The following MEGF8 variants were observed in gnomAD, a reference collection of about 807,000 sequenced individuals.
MEGF8 encodes the protein multiple EGF like domains 8, also known as multiple epidermal growth factor-like domains protein 8.
Under a neutral mutation model 302.9 loss-of-function variants are expected in MEGF8, and 156 were observed. The ratio of observed to expected loss-of-function variants is 0.52; its 90% CI spans 0.45 to 0.59. The LOEUF is 0.59. Ranked by LOEUF, MEGF8 falls within the 20% of genes least tolerant of loss-of-function variation. The probability of loss-of-function intolerance (pLI) is 0.00; values close to 1 mark genes in which losing one functional copy is unlikely to be tolerated. For missense variants in MEGF8, 3,345 were observed against 3,964.5 expected (o/e 0.84, Z 4.20); for synonymous variants, 1,621 against 1,660.5 (o/e 0.98, Z 0.58).
chr19:42,350,079 T>G (rs2039346380), intron 14 of MEGF8, 69 bp from the exon 15 acceptor site: 2 of 1,300,806 alleles, frequency 1.5e-6, no homozygotes, highest in African/African-American at 1.5e-5. Flanking sequence ...ACCCTTACTT[T>G]CAGTTAGCGC....
At chr19:42,350,045 C>A in intron 14 of MEGF8, 103 bp from the exon 15 acceptor site, 1 of 911,588 alleles carries the variant, frequency 1.1e-6, no homozygotes, top group Non-Finnish European at 1.7e-6. Flanking sequence ...TCCTATGTGC[C>A]TGAGTTCTCA....
chr19:42,361,039 G>C (rs1310465045), intron 32 of MEGF8, 33 bp downstream of exon 32: 2 of 1,522,730 alleles, frequency 1.3e-6, no homozygotes, highest in Non-Finnish European at 8.8e-7. Flanking sequence ...GCAGTGGGGA[G>C]TGGAGCCCTC....
chr19:42,338,980 C>T (rs1312419937), intron 8 of MEGF8, among the ~76,000 whole-genome samples: 2 of 151,174 alleles, frequency 1.3e-5, no homozygotes, highest in East Asian at 1.9e-4. Flanking sequence ...ATTACAGGCG[C>T]CTACCACCAC....
At position 42,360,854 on chromosome 19, in the gene MEGF8, T is replaced by G; in HGVS notation, c.5568T>G (p.Ser1856=). The G allele has an allele frequency of 1.2e-6, 2 of 1,613,322 alleles. No individual in the cohort carries two copies. The highest frequency in any genetic ancestry group is 1.7e-6 in the Non-Finnish European group (2 of 1,179,792). ...VAAVGSRLYI[S]GGFGGVALGR... ...CAGTCGGGAGCCGCCTGTATATCTC[T>G]GGGGGTTTCGGGGGAGTGGCCCTGG... The change falls in exon 32 of 42, where the codon TCT becomes TCG. Residue 1856 remains serine, a synonymous_variant. Transcript: ENST00000251268.
intron 15 of MEGF8, among the ~76,000 whole-genome samples, chr19:42,350,608 T>C (rs2147474370): frequency 6.6e-6 from 1 of 152,216 alleles, no homozygotes; most frequent in African/African-American, 2.4e-5. Flanking sequence ...TCCATCCTTT[T>C]CCACTAGCGG....
Position 42,369,524 on chromosome 19 carries a change from C to A in MEGF8, c.6642-7C>A, listed in dbSNP as rs1239232340. 1 of 1,600,946 alleles carries A rather than the reference C, an allele frequency of 6.2e-7. No homozygotes were observed. Among genetic ancestry groups the A allele is most frequent in the South Asian group, 1.1e-5 (1 of 90,818 alleles). On this transcript the variant is annotated splice_polypyrimidine_tract_variant and splice_region_variant and intron_variant, in intron 37 of 41. Coordinates refer to ENST00000251268, the MANE Select transcript of MEGF8 (RefSeq NM_001271938.2). This position sits in a 1 kb window ranked among gnomAD's most constrained non-coding sequence, Gnocchi z 5.7. ...CACCTGCCCTGACCCCCACTTTGCC[C>A]CTGCAGCATGACAGGGCTGTGCCGC...
At chr19:42,348,170 T>G in intron 12 of MEGF8, 102 bp from the exon 13 acceptor site, 1 of 1,108,398 alleles carries the variant, frequency 9.0e-7, no homozygotes, top group Non-Finnish European at 1.2e-6. Flanking sequence ...TCTCATTTGG[T>G]AAAATGGGGA....
intron 8 of MEGF8, among the ~76,000 whole-genome samples, chr19:42,341,318 A>G (rs978640146): frequency 6.6e-6 from 1 of 151,406 alleles, no homozygotes; most frequent in African/African-American, 2.4e-5. Context: ...GGTCACAGCT[A>G]CTCAGGAGGC....
intron 12 of MEGF8, 62 bp from the exon 13 acceptor site, chr19:42,348,210 C>G: frequency 7.0e-7 from 1 of 1,426,520 alleles, no homozygotes; most frequent in Non-Finnish European, 9.4e-7. Flanking sequence ...TCTTTTCTGG[C>G]TCTGATGTGG....
Position 42,336,222 on chromosome 19 carries a change from G to C in MEGF8, c.1120G>C (p.Gly374Arg). ...TTTCCGCCTTGACAGCACCAGCGGG[G>C]GCTATTGGGAGCAGGTGATTCCGGC... Reference protein sequence around the residue: ...FRFRLDSTSGGYWEQVIPAGG... With the variant: ...FRFRLDSTSGRYWEQVIPAGG... The change falls in exon 6 of 42, where the codon GGC (glycine) becomes CGC (arginine). Residue 374 changes from glycine (G) to arginine (R), a missense_variant. Transcript: ENST00000251268. This position sits in a 1 kb window ranked among gnomAD's most constrained non-coding sequence, Gnocchi z 4.8. 1 of 1,609,640 alleles carries C rather than the reference G, an allele frequency of 6.2e-7. No individual in the cohort carries two copies. Among genetic ancestry groups the C allele is most frequent in the Non-Finnish European group, 8.5e-7 (1 of 1,179,874 alleles).
chr19:42,366,837 G>C (rs2039613147), intron 35 of MEGF8, among the ~76,000 whole-genome samples: 1 of 152,162 alleles, frequency 6.6e-6, no homozygotes, highest in South Asian at 2.1e-4. Context: ...CTCCCAGATT[G>C]TCCCACCATC....
At chr19:42,343,834 G>C in intron 9 of MEGF8, 120 bp from the exon 10 acceptor site, 1 of 1,427,350 alleles carries the variant, frequency 7.0e-7, no homozygotes, top group Non-Finnish European at 9.3e-7. Flanking sequence ...TGGGCATGCT[G>C]AGCACTCAGG....
rs2039756015 is a variant in MEGF8, at chr19:42,375,659, C to T, written c.7422C>T (p.Arg2474=). 2 of 1,610,590 alleles carry T rather than the reference C, an allele frequency of 1.2e-6. No homozygotes were observed. Among genetic ancestry groups the T allele is most frequent in the East Asian group, 2.2e-5 (1 of 44,808 alleles). The change falls in exon 42 of 42, where the codon CGC becomes CGT. Residue 2474 remains arginine (R), a synonymous_variant. Transcript: ENST00000251268. The surrounding 1 kb of genome is among the most constrained non-coding windows in gnomAD (Gnocchi z 7.1). The part of the protein sequence containing the change: ...EPKRRALGPG[R]TVLFGVQPKF... ...AACGCCGGGCGCTAGGCCCCGGCCG[C>T]ACTGTCCTCTTTGGCGTGCAGCCCA...
At position 42,376,802 on chromosome 19, in the gene MEGF8, G is replaced by A. The variant is rs921958105; in HGVS notation, c.*27G>A. 2 of 1,424,614 alleles carry A rather than the reference G, an allele frequency of 1.4e-6. No homozygotes were observed. Among genetic ancestry groups the A allele is most frequent in the Non-Finnish European group, 1.8e-6 (2 of 1,093,050 alleles). 88.2% of individuals were successfully genotyped at this position (1,424,614 alleles called of 1,614,324 possible). ...ATGCCCAGGGTTCTCATCCACAGCA[G>A]CTGGGTCACCTGATAGGGCCGCCCT... is the stretch of plus-strand genomic sequence containing the variant. On this transcript the variant is annotated 3_prime_UTR_variant, in exon 42 of 42. Transcript: ENST00000251268. This position sits in a 1 kb window ranked among gnomAD's most constrained non-coding sequence, Gnocchi z 8.2.
chr19:42,343,839 C>T (rs1412464622), intron 9 of MEGF8, 115 bp from the exon 10 acceptor site: 12 of 1,443,418 alleles, frequency 8.3e-6, no homozygotes, highest in Non-Finnish European at 1.0e-5. Flanking sequence ...ATGCTGAGCA[C>T]TCAGGGTCCT....
chr19:42,369,656 A>G lies in MEGF8; in HGVS notation c.6767A>G (p.Asn2256Ser), dbSNP rs2039657840. 1 of 1,609,398 alleles carries G rather than the reference A, an allele frequency of 6.2e-7. No homozygotes were observed. Among genetic ancestry groups the G allele is most frequent in the South Asian group, 1.1e-5 (1 of 91,060 alleles). ...AACTGCTCCACGGAATGCCGCTGCA[A>G]CCGCCACAGTGAATGCGCTGGTGTT... ...GRNCSTECRCNRHSECAGVGA... is the reference protein window; with the variant it reads ...GRNCSTECRCSRHSECAGVGA... The change falls in exon 38 of 42, where the codon AAC (asparagine) becomes AGC (serine). Residue 2256 changes from asparagine to serine, a missense_variant. Coordinates refer to ENST00000251268, the MANE Select transcript of MEGF8 (RefSeq NM_001271938.2). The surrounding 1 kb of genome is among the most constrained non-coding windows in gnomAD (Gnocchi z 5.7).
chr19:42,362,008 TG>T, intron 32 of MEGF8, 81 bp from the exon 33 acceptor site: 4 of 1,555,318 alleles, frequency 2.6e-6, no homozygotes, highest in Non-Finnish European at 1.7e-6. Context: ...GATGCAGGGT[TG>T]GGGGCCTGCA....
rs568021571 is a variant in MEGF8 at position 42,350,040 on chromosome 19, T to C, written c.2500-108T>C. The C allele has an allele frequency of 5.9e-6, 5 of 850,620 alleles. No homozygotes were observed. In the East Asian group the frequency reaches 7.4e-5, roughly 13 times the overall value. 52.7% of individuals were successfully genotyped at this position (850,620 alleles called of 1,614,324 possible). ...TGATTTCCTAAATCCTGACTTCCTA[T>C]GTGCCTGAGTTCTCAACCTGGGCTC... On this transcript the variant is annotated intron_variant, in intron 14 of 41. Transcript: ENST00000251268.
At position 42,356,115 on chromosome 19, in the gene MEGF8, C is replaced by G; in HGVS notation, c.4425C>G (p.Phe1475Leu). The G allele has an allele frequency of 6.3e-7, 1 of 1,584,904 alleles. No individual in the cohort carries two copies. Among genetic ancestry groups the G allele is most frequent in the South Asian group, 1.2e-5 (1 of 86,404 alleles). Residue 1475 changes from phenylalanine (F) to leucine (L), a missense_variant, in exon 25 of 42, where the codon TTC (phenylalanine) becomes TTG (leucine). Transcript: ENST00000251268. This position sits in a 1 kb window ranked among gnomAD's most constrained non-coding sequence, Gnocchi z 5.2. ...GTGTGTGCATCTGTGCCGAGGGCTT[C>G]GGGGGCCCCGACTGCGCCACCAAGC... ...SLGVCICAEG[F>L]GGPDCATKLD... is the part of the protein sequence containing the mutation.
Sources: allele counts gnomAD v4.1 joint callset (sites outside exome capture counted in the v4.1 genomes callset), GRCh38; gene constraint gnomAD v4.1.1; non-coding constraint Gnocchi (gnomAD v3.1); transcripts MANE v1.5; gene names NCBI Gene and HGNC (gene_info 2026-07-23, HGNC 2026-07-21).